Variants in CELA1 observed in about 807,000 individuals in gnomAD.
CELA1 encodes chymotrypsin-like elastase family member 1.
Under a neutral mutation model 34.8 loss-of-function variants are expected in CELA1, and 28 were observed. The ratio of observed to expected loss-of-function variants is 0.80; its 90% confidence interval spans 0.60 to 1.10. The LOEUF (loss-of-function observed/expected upper bound fraction) is 1.10, where lower values mean the gene tolerates loss of function less well. Among genes scored for constraint, CELA1 ranks in the 50% least tolerant of loss-of-function variants. CELA1 has a pLI of 0.00. For missense variants in CELA1, 288 were observed against 327.5 expected (o/e 0.88, Z 0.93); for synonymous variants, 140 against 129.8 (o/e 1.08, Z -0.53).
At chr12:51,345,923 A>T in intron 1 of CELA1, 46 bp from the exon 2 acceptor site, 14 of 1,352,132 alleles carry the variant, frequency 1.0e-5, no homozygotes, top group Admixed American at 2.0e-5. Flanking sequence ...GCATGGGGTC[A>T]GCCAGGGGTA....
intron 6 of CELA1, among the ~76,000 whole-genome samples, chr12:51,338,601 C>T (rs1946514601): frequency 6.6e-6 from 1 of 152,076 alleles, no homozygotes; most frequent in African/African-American, 2.4e-5. Context: ...CTTTTCTGGC[C>T]CCAGTAGGTA....
In CELA1 at chr12:51,338,260, A is replaced by C. The variant is rs558038990; in HGVS notation, c.609+1600T>G. On this transcript the variant is annotated intron_variant, in intron 6 of 7. Transcript: ENST00000293636. ...CTCAGGAAAAAAAAAAAACATACAC[A>C]CACACACACACACACACACACACAC... 7.7e-3 allele frequency among the ~76,000 whole-genome samples: 337 copies of C among 43,584 alleles called. 2 individuals are homozygous for C. The highest frequency in any genetic ancestry group is 0.02 in the African/African-American group (322 of 15,840). The allele number at this position is 43,584 out of a possible 152,430, so 28.6% of individuals were successfully genotyped here.
intron 6 of CELA1, among the ~76,000 whole-genome samples, chr12:51,333,251 C>T (rs984129889): frequency 1.3e-5 from 2 of 151,202 alleles, no homozygotes; most frequent in Non-Finnish European, 3.0e-5. Flanking sequence ...TAAACCACCA[C>T]ACCTGGCTAA....
chr12:51,339,938 G>C lies in CELA1; in HGVS notation c.531C>G (p.Ser177=). Residue 177 remains serine (S), a synonymous_variant, in exon 6 of 8, where the codon TCC becomes TCG. Coordinates refer to ENST00000293636, the MANE Select transcript of CELA1 (RefSeq NM_001971.6). ...YLPSVDYAIC[S]SSSYWGSTVK... ...CAGTGGAGCCCCAGTAGGAGGAGCT[G>C]GAGCAGATGGCGTAGTCCACAGAGG... The C allele has an allele frequency of 6.2e-7, 1 of 1,614,184 alleles. No homozygotes were observed. The highest frequency in any genetic ancestry group is 8.5e-7 in the Non-Finnish European group (1 of 1,180,022).
At chr12:51,335,403 C>T (rs1057344362) in intron 6 of CELA1, among the ~76,000 whole-genome samples, 10 of 151,982 alleles carry the variant, frequency 6.6e-5, no homozygotes, top group East Asian at 3.9e-4. Flanking sequence ...ATTACAGGCA[C>T]GCGCCACCAT....
Position 51,343,863 on chromosome 12 carries a change from G to A in CELA1, c.100-10C>T, listed in dbSNP as rs776988612. 6.7e-7 allele frequency: 1 copy of A among 1,488,658 alleles called. No individual in the cohort carries two copies. The highest frequency in any genetic ancestry group is 9.3e-7 in the Non-Finnish European group (1 of 1,070,546). The allele number at this position is 1,488,658 out of a possible 1,614,324, so 92.2% of individuals were successfully genotyped here. A position where few individuals can be genotyped will look rare whatever the true frequency, so the allele number is the denominator to read the frequency against. On this transcript the variant is annotated splice_polypyrimidine_tract_variant and intron_variant, in intron 2 of 7. Coordinates refer to ENST00000293636, the MANE Select transcript of CELA1 (RefSeq NM_001971.6). Reference sequence around the variant, plus strand: ...GGTACTGGAGGGAAATCTAGATGGGGAGGAAAGAAAGAAGGGATAGGTTGG... The same window carrying A: ...GGTACTGGAGGGAAATCTAGATGGGAAGGAAAGAAAGAAGGGATAGGTTGG...
intron 2 of CELA1, among the ~76,000 whole-genome samples, chr12:51,345,389 T>C (rs181805708): frequency 0.01 from 1,545 of 152,290 alleles, 11 homozygotes; most frequent in Non-Finnish European, 0.015. Flanking sequence ...AGCAGCATGC[T>C]GTACGTGTGT....
rs17860335 is a variant in CELA1 at position 51,335,114 on chromosome 12, T to C, written c.609+4746A>G. 2.1e-4 allele frequency among the ~76,000 whole-genome samples: 32 copies of C among 152,310 alleles called. No homozygotes were observed. The South Asian group carries it at 2.5e-3, about 12-fold the overall frequency. ...TCTATGTCTGTGTGCACATCTGGTA[T>C]CCCTCTTCCTGTTCAGAGCCAGCTC... On this transcript the variant is annotated intron_variant, in intron 6 of 7. Coordinates refer to ENST00000293636, the MANE Select transcript of CELA1 (RefSeq NM_001971.6).
At chr12:51,341,665 G>C (rs1241532223) in intron 4 of CELA1, among the ~76,000 whole-genome samples, 2 of 152,196 alleles carry the variant, frequency 1.3e-5, no homozygotes, top group African/African-American at 4.8e-5. Flanking sequence ...GAAAGGAGCA[G>C]AGTGGCATGA....
intron 6 of CELA1, among the ~76,000 whole-genome samples, chr12:51,335,529 C>T (rs1009758208): frequency 6.6e-6 from 1 of 151,990 alleles, no homozygotes; most frequent in African/African-American, 2.4e-5. Context: ...ACTGATATTA[C>T]AGGCGGGAGC....
intron 7 of CELA1, 59 bp downstream of exon 7, chr12:51,329,625 C>T (rs1256414233): frequency 1.3e-6 from 2 of 1,485,766 alleles, no homozygotes; most frequent in African/African-American, 1.4e-5. Context: ...TTCCCCAACC[C>T]AGCCAGTGCG....
chr12:51,339,333 C>A (rs1353626017), intron 6 of CELA1, among the ~76,000 whole-genome samples: 3 of 152,162 alleles, frequency 2.0e-5, no homozygotes, highest in African/African-American at 7.2e-5. Flanking sequence ...GGTGGATCAC[C>A]TGAGGTCGGG....
At chr12:51,332,182 C>T (rs1946473908) in intron 6 of CELA1, among the ~76,000 whole-genome samples, 1 of 119,122 alleles carries the variant, frequency 8.4e-6, no homozygotes, top group Non-Finnish European at 1.7e-5. Flanking sequence ...AAGATCCTGT[C>T]TCTTTAAAAA....
intron 6 of CELA1, among the ~76,000 whole-genome samples, chr12:51,338,123 A>G (rs1054664641): frequency 4.0e-5 from 6 of 151,224 alleles, no homozygotes; most frequent in African/African-American, 1.5e-4. Context: ...CTGTAATCCC[A>G]GCTACTCGGG....
chr12:51,331,322 G>A (rs1434226812), intron 6 of CELA1, among the ~76,000 whole-genome samples: 1 of 152,194 alleles, frequency 6.6e-6, no homozygotes, highest in East Asian at 1.9e-4. Flanking sequence ...CCAGGAGCTG[G>A]AGGTTGTAGT....
chr12:51,339,729 T>G lies in CELA1; in HGVS notation c.609+131A>C, dbSNP rs552640596. On this transcript the variant is annotated intron_variant, in intron 6 of 7. Transcript: ENST00000293636. ...TTACCAGCACAGGATCATTCTCACT[T>G]AGACGCCAGAGTAGAAAATTGAGTC... 2.4e-5 allele frequency: 20 copies of G among 830,544 alleles called. No homozygotes were observed. In the South Asian group the frequency reaches 3.5e-4, roughly 14 times the overall value. 51.4% of individuals were successfully genotyped at this position (830,544 alleles called of 1,614,324 possible). A position where few individuals can be genotyped will look rare whatever the true frequency, so the allele number is the denominator to read the frequency against.
intron 6 of CELA1, among the ~76,000 whole-genome samples, chr12:51,330,653 T>C (rs1255905463): frequency 2.0e-5 from 3 of 152,244 alleles, no homozygotes; most frequent in Admixed American, 1.3e-4. Context: ...TAAAAGCAGA[T>C]GGTTAAGGAT....
chr12:51,329,896 C>A (rs935855295), intron 6 of CELA1, 63 bp from the exon 7 acceptor site: 4 of 1,453,600 alleles, frequency 2.8e-6, no homozygotes, highest in Non-Finnish European at 3.7e-6. Context: ...TGCACTCCCC[C>A]CGCCCCCGTC....
Position 51,342,701 on chromosome 12 carries a change from C to A in CELA1, c.201-1G>T, listed in dbSNP as rs1399140459. The A allele has an allele frequency of 6.2e-7, 1 of 1,614,106 alleles. No individual in the cohort carries two copies. ...AGCCACCACGCGGAAAGTCTTCTGGCTGGCGTGAGAGAAGGAATCCCTGAG... is the reference window on the plus strand; with the variant it reads ...AGCCACCACGCGGAAAGTCTTCTGGATGGCGTGAGAGAAGGAATCCCTGAG... On this transcript the variant is annotated splice_acceptor_variant, in intron 3 of 7. Transcript: ENST00000293636. LOFTEE classifies it high-confidence loss of function.
Sources: allele counts gnomAD v4.1 joint callset (sites outside exome capture counted in the v4.1 genomes callset), GRCh38; gene constraint gnomAD v4.1.1; transcripts MANE v1.5; gene names NCBI Gene and HGNC (gene_info 2026-07-23, HGNC 2026-07-21).